KIF1B: variants seen among roughly 807,000 people sequenced by gnomAD.
The protein encoded by KIF1B is kinesin-like protein KIF1B.
Under a neutral mutation model 241.9 loss-of-function variants are expected in KIF1B, and 76 were observed. That is an observed-to-expected ratio of 0.31 (90% CI 0.26 to 0.38). The LOEUF is 0.38. KIF1B is among the 10% of genes least tolerant of loss of function. The pLI is 1.00. For synonymous variants in KIF1B, 750 were observed against 796.7 expected, an observed-to-expected ratio of 0.94 and a Z score of 0.99; for missense variants, 1,622 against 2,271.4, an observed-to-expected ratio of 0.71 and a Z score of 5.81.
chr1:10,325,891 T>C (rs1158441043), intron 26 of KIF1B, among the ~76,000 whole-genome samples: 1 of 152,362 alleles, frequency 6.6e-6, no homozygotes, highest in African/African-American at 2.4e-5. Flanking sequence ...TTGCTTTTCT[T>C]ATTCTAAGGA....
intron 2 of KIF1B, among the ~76,000 whole-genome samples, chr1:10,234,103 G>T (rs1157420887): frequency 6.6e-6 from 1 of 152,138 alleles, no homozygotes; most frequent in East Asian, 1.9e-4. Context: ...GAGTGGCTCT[G>T]CTTTGCCTTG....
intron 37 of KIF1B, among the ~76,000 whole-genome samples, chr1:10,349,298 G>A (rs1383364889): frequency 1.3e-5 from 2 of 152,068 alleles, no homozygotes; most frequent in African/African-American, 2.4e-5. Flanking sequence ...AGCTGGGCAT[G>A]GTGGCACGCA....
chr1:10,241,600 A>G (rs1459911872), intron 2 of KIF1B, among the ~76,000 whole-genome samples: 1 of 152,222 alleles, frequency 6.6e-6, no homozygotes, highest in Non-Finnish European at 1.5e-5. Context: ...AAGTACTGGA[A>G]AAAATCATCT....
intron 44 of KIF1B, 109 bp downstream of exon 44, chr1:10,368,647 G>A (rs1638640850): frequency 3.4e-6 from 3 of 885,966 alleles, no homozygotes; most frequent in Non-Finnish European, 5.7e-6. Context: ...ACTTGTCATG[G>A]GCATAGCATT....
intron 22 of KIF1B, 116 bp from the exon 23 acceptor site, chr1:10,319,927 G>A: frequency 1.4e-6 from 1 of 711,844 alleles, no homozygotes; most frequent in Non-Finnish European, 2.5e-6. Flanking sequence ...TCCTGCCTTT[G>A]TCTCTTTTCC....
At chr1:10,312,013 C>T (rs1347457126) in intron 22 of KIF1B, among the ~76,000 whole-genome samples, 2 of 151,396 alleles carry the variant, frequency 1.3e-5, no homozygotes, top group Non-Finnish European at 2.9e-5. Flanking sequence ...AGAGCCAGAG[C>T]CAGTCCCAGG....
intron 22 of KIF1B, chr1:10,304,902 A>G: frequency 7.4e-7 from 1 of 1,347,916 alleles, no homozygotes; most frequent in East Asian, 3.0e-5. Flanking sequence ...CTCCTTTTTT[A>G]GTGCCTAATT....
intron 15 of KIF1B, among the ~76,000 whole-genome samples, chr1:10,284,692 A>G (rs1391316202): frequency 6.6e-6 from 1 of 151,902 alleles, no homozygotes; most frequent in Non-Finnish European, 1.5e-5. Context: ...CTCAAAAAAT[A>G]AATAAATAAA....
chr1:10,250,488 A>G (rs148047086), intron 2 of KIF1B, among the ~76,000 whole-genome samples: 2,848 of 152,050 alleles, frequency 0.019, 41 homozygotes, highest in Non-Finnish European at 0.028. Context: ...ACAGGTGCCC[A>G]CCACCACGCC....
In KIF1B at chr1:10,362,205, C is replaced by T. The variant is rs72867419; in HGVS notation, c.4304+380C>T. Among the ~76,000 whole-genome samples the T allele has an allele frequency of 3.3e-3, 495 of 152,216 alleles. 4 individuals carry two copies. Among genetic ancestry groups the T allele is most frequent in the African/African-American group, 0.012 (480 of 41,526 alleles). ...CAGGAATAATACAGTGAAGGCCATA[C>T]ACAGTGGCTCATGTCTGTAATCCCA... On this transcript the variant is annotated intron_variant, in intron 40 of 48. Coordinates refer to ENST00000676179, the MANE Select transcript of KIF1B (RefSeq NM_001365951.3).
chr1:10,262,062 A>G (rs930769207), intron 5 of KIF1B, 92 bp downstream of exon 5: 6 of 853,160 alleles, frequency 7.0e-6, no homozygotes, highest in African/African-American at 6.7e-5. Context: ...TGTGGTACAC[A>G]TCACTTCACC....
chr1:10,330,591 A>G (rs1178108073), intron 27 of KIF1B, among the ~76,000 whole-genome samples: 1 of 152,098 alleles, frequency 6.6e-6, no homozygotes, highest in Non-Finnish European at 1.5e-5. Context: ...GGCTCTGAAA[A>G]ATCAACCTAG....
At chr1:10,308,034 A>G in intron 22 of KIF1B, 1 of 1,058,884 alleles carries the variant, frequency 9.4e-7, no homozygotes, top group Non-Finnish European at 1.1e-6. Context: ...TGAAAAAAAA[A>G]CAAAACACTG....
intron 34 of KIF1B, chr1:10,344,989 T>TATCC (rs939943251): frequency 7.9e-5 from 12 of 152,200 alleles, no homozygotes; most frequent in African/African-American, 2.9e-4. Context: ...GCTCAGGAGT[T>TATCC]AGAGACCAGC....
At chr1:10,343,418 T>C in intron 34 of KIF1B, 131 bp downstream of exon 34, 1 of 884,156 alleles carries the variant, frequency 1.1e-6, no homozygotes, top group East Asian at 2.6e-5. Flanking sequence ...CCTGCTCCTC[T>C]TGTATGTATC....
chr1:10,319,975 C>G, intron 22 of KIF1B, 68 bp from the exon 23 acceptor site: 1 of 982,712 alleles, frequency 1.0e-6, no homozygotes, highest in Non-Finnish European at 1.6e-6. Flanking sequence ...AATATTCCTT[C>G]CATTTCTCTT....
At chr1:10,316,760 C>G (rs1046752237) in intron 22 of KIF1B, among the ~76,000 whole-genome samples, 1 of 151,642 alleles carries the variant, frequency 6.6e-6, no homozygotes, top group Non-Finnish European at 1.5e-5. Context: ...CCTCAGCCTC[C>G]CAAAGTGCTG....
intron 22 of KIF1B, among the ~76,000 whole-genome samples, chr1:10,311,321 T>C (rs1557706588): frequency 1.3e-5 from 2 of 150,626 alleles, no homozygotes; most frequent in Admixed American, 6.6e-5. Flanking sequence ...TTCAAGTAAT[T>C]CTCCTGCCTC....
intron 15 of KIF1B, among the ~76,000 whole-genome samples, chr1:10,287,645 A>G (rs1017070109): frequency 1.3e-5 from 2 of 152,212 alleles, no homozygotes; most frequent in Non-Finnish European, 2.9e-5. Flanking sequence ...CTTTTCTGCA[A>G]AGAGATCATG....
Sources: gnomAD v4.1 joint callset for allele counts (sites outside exome capture counted in the v4.1 genomes callset) on GRCh38, gnomAD v4.1.1 for gene constraint, MANE v1.5 for transcripts, NCBI Gene and HGNC (gene_info 2026-07-23, HGNC 2026-07-21) for gene names.